MED20: variants seen among roughly 807,000 people sequenced by gnomAD.
MED20 encodes mediator of RNA polymerase II transcription subunit 20.
Under a neutral mutation model 19.7 loss-of-function variants are expected in MED20, and 19 were observed. That is an observed-to-expected ratio of 0.96 (90% confidence interval 0.67 to 1.42). The LOEUF (loss-of-function observed/expected upper bound fraction) is 1.42, where lower values mean the gene tolerates loss of function less well. MED20 is among the 40% of genes most tolerant of loss of function. The probability of loss-of-function intolerance (pLI) is 0.00; values close to 1 mark genes in which losing one functional copy is unlikely to be tolerated. For synonymous variants in MED20, 105 were observed against 104.8 expected (o/e 1.00, Z -0.01); for missense variants, 225 against 273.0 (o/e 0.82, Z 1.24).
chr6:41,912,739 C>A (rs1191676521), intron 2 of MED20, among the ~76,000 whole-genome samples: 2 of 152,150 alleles, frequency 1.3e-5, no homozygotes, highest in African/African-American at 4.8e-5. Flanking sequence ...TTACTATCCC[C>A]TTTCTAAAGA....
chr6:41,915,526 G>A (rs932933483), intron 2 of MED20, among the ~76,000 whole-genome samples: 4 of 151,870 alleles, frequency 2.6e-5, no homozygotes, highest in East Asian at 1.9e-4. Context: ...GGTGGCTCAC[G>A]CCTATAATCC....
intron 1 of MED20, 39 bp from the exon 2 acceptor site, chr6:41,916,978 C>T (rs771975922): frequency 1.2e-5 from 20 of 1,610,442 alleles, no homozygotes; most frequent in Non-Finnish European, 1.7e-5. Flanking sequence ...TATCCAGAGA[C>T]ACACGTGTGC....
At chr6:41,920,866 G>T in intron 1 of MED20, 139 bp downstream of exon 1, 1 of 1,088,212 alleles carries the variant, frequency 9.2e-7, no homozygotes, top group Non-Finnish European at 1.3e-6. Flanking sequence ...GGAACCCGCA[G>T]CCCGGACGGC....
At chr6:41,915,202 T>C (rs1409755585) in intron 2 of MED20, among the ~76,000 whole-genome samples, 2 of 150,790 alleles carry the variant, frequency 1.3e-5, no homozygotes, top group Non-Finnish European at 3.0e-5. Context: ...GGGAGGCCTA[T>C]GTTGGCAGAT....
chr6:41,910,678 C>G (rs1775171257), intron 2 of MED20, among the ~76,000 whole-genome samples: 1 of 151,414 alleles, frequency 6.6e-6, no homozygotes. Context: ...AAGCAAGATT[C>G]CTCTTTCATA....
In MED20 at chr6:41,907,065, C is replaced by G. The variant is rs769472931; in HGVS notation, c.*7G>C. ...GGTGACAGAGCTCAGCTGGCAGCTG[C>G]TCATCACTAACGAATCCCAGCCACC... On this transcript the variant is annotated 3_prime_UTR_variant, in exon 4 of 4. Coordinates refer to ENST00000265350, the MANE Select transcript of MED20 (RefSeq NM_004275.5). 1 of 1,612,486 alleles carries G rather than the reference C, an allele frequency of 6.2e-7. No homozygotes were observed. Among genetic ancestry groups the G allele is most frequent in the South Asian group, 1.1e-5 (1 of 91,012 alleles).
Position 41,916,903 on chromosome 6 carries a change from A to C in MED20, c.51T>G (p.Val17=). 6 of 1,614,014 alleles carry C rather than the reference A, an allele frequency of 3.7e-6. No homozygotes were observed. Among genetic ancestry groups the C allele is most frequent in the Non-Finnish European group, 5.1e-6 (6 of 1,179,982 alleles). Residue 17 remains valine, a synonymous_variant, in exon 2 of 4, where the codon GTT becomes GTG. Transcript: ENST00000265350. Reference sequence around the variant, plus strand: ...GGGTAAGGAGCTCTACGGTTTGCTGAACACTCTTGCCCTCGGCCACAGGCA... The same window carrying C: ...GGGTAAGGAGCTCTACGGTTTGCTGCACACTCTTGCCCTCGGCCACAGGCA... ...SQMPVAEGKS[V]QQTVELLTRK...
At position 41,906,865 on chromosome 6, in the gene MED20, A is replaced by C; in HGVS notation, c.*207T>G. 1 of 578,304 alleles carries C rather than the reference A, an allele frequency of 1.7e-6. No homozygotes were observed. Among genetic ancestry groups the C allele is most frequent in the Admixed American group, 3.0e-5 (1 of 33,484 alleles). 35.8% of individuals were successfully genotyped at this position (578,304 alleles called of 1,614,324 possible). A position where few individuals can be genotyped will look rare whatever the true frequency, so the allele number is the denominator to read the frequency against. On this transcript the variant is annotated 3_prime_UTR_variant, in exon 4 of 4. Transcript: ENST00000265350. ...GGCCAAATCCAGTAAGGCACGGAGT[A>C]AAACAGCTGATGGGGGGCTATGTGT...
At chr6:41,915,789 A>AACACACACACAC (rs34924867) in intron 2 of MED20, among the ~76,000 whole-genome samples, 12 of 148,592 alleles carry the variant, frequency 8.1e-5, no homozygotes, top group South Asian at 2.1e-4. Context: ...TCCGTCTCAA[A>AACACACACACAC]ACACACACAC....
chr6:41,917,584 T>C, intron 1 of MED20: 1 of 353,242 alleles, frequency 2.8e-6, no homozygotes, highest in Non-Finnish European at 5.7e-6. Context: ...CTCTAAGAAC[T>C]GGAGCACAGT....
chr6:41,909,474 A>C lies in MED20; in HGVS notation c.218T>G (p.Leu73Trp). Residue 73 changes from leucine (L) to tryptophan (W), a missense_variant, in exon 3 of 4, where the codon TTG (leucine) becomes TGG (tryptophan). Physicochemically the swap from Leu to Trp is moderately conservative, Grantham distance 61. Coordinates refer to ENST00000265350, the MANE Select transcript of MED20 (RefSeq NM_004275.5). The part of the protein sequence containing the change: ...MYVMHNSEYP[L>W]SCFALFENGP... ...ATTCTCAAAGAGGGCGAAACAGCTCAATGGGTACTCTGAGTTGTGCATCAC... is the reference window on the plus strand; with the variant it reads ...ATTCTCAAAGAGGGCGAAACAGCTCCATGGGTACTCTGAGTTGTGCATCAC... 3.7e-6 allele frequency: 6 copies of C among 1,614,258 alleles called. No individual in the cohort carries two copies. The highest frequency in any genetic ancestry group is 5.1e-6 in the Non-Finnish European group (6 of 1,180,044).
Position 41,916,858 on chromosome 6 carries a change from C to A in MED20, c.96G>T (p.Gly32=). 6.2e-7 allele frequency: 1 copy of A among 1,614,074 alleles called. No individual in the cohort carries two copies. The highest frequency in any genetic ancestry group is 8.5e-7 in the Non-Finnish European group (1 of 1,180,000). Residue 32 remains glycine (G), a synonymous_variant, in exon 2 of 4, where the codon GGG becomes GGT. Transcript: ENST00000265350. ...CACAAAATGTTCCTTGCTTCTCTGC[C>A]CCAAGCATCTCCAATTTCCGGGTAA... is the stretch of plus-strand genomic sequence containing the variant. The part of the protein sequence containing the change: ...ELLTRKLEML[G]AEKQGTFCVD...
At chr6:41,908,063 A>G (rs372404146) in intron 3 of MED20, among the ~76,000 whole-genome samples, 19 of 152,162 alleles carry the variant, frequency 1.2e-4, no homozygotes, top group African/African-American at 4.1e-4. Flanking sequence ...CTTTTCTCCA[A>G]CTGGGATTCT....
intron 2 of MED20, among the ~76,000 whole-genome samples, chr6:41,912,449 C>T (rs1775221623): frequency 1.3e-5 from 2 of 149,362 alleles, no homozygotes; most frequent in South Asian, 4.3e-4. Flanking sequence ...CTCTGCCTCC[C>T]AAGTTCAAAC....
intron 1 of MED20, among the ~76,000 whole-genome samples, 189 bp from the exon 2 acceptor site, chr6:41,917,128 G>C (rs1438353388): frequency 6.6e-6 from 1 of 152,070 alleles, no homozygotes; most frequent in East Asian, 1.9e-4. Flanking sequence ...TTGGCCAGGC[G>C]TGGTGGCTCA....
At chr6:41,915,294 T>C (rs1775286189) in intron 2 of MED20, among the ~76,000 whole-genome samples, 1 of 151,274 alleles carries the variant, frequency 6.6e-6, no homozygotes, top group South Asian at 2.1e-4. Context: ...TTGAGATCAA[T>C]TTGGGCAGCA....
At chr6:41,920,784 AAAAC>A in intron 1 of MED20, 3 of 504,252 alleles carry the variant, frequency 5.9e-6, no homozygotes, top group South Asian at 3.5e-5. Flanking sequence ...AAAACAAAAC[AAAAC>A]AAAAAAAAAA....
chr6:41,914,786 C>T (rs1191062584), intron 2 of MED20, among the ~76,000 whole-genome samples: 3 of 151,964 alleles, frequency 2.0e-5, no homozygotes, highest in Non-Finnish European at 2.9e-5. Flanking sequence ...CCCATCTCAT[C>T]ACTCAAAACG....
chr6:41,913,469 A>G (rs1460616290), intron 2 of MED20, among the ~76,000 whole-genome samples: 1 of 152,198 alleles, frequency 6.6e-6, no homozygotes, highest in East Asian at 1.9e-4. Context: ...CAAATGTTTT[A>G]TTACCCAAAT....
Sources: allele counts gnomAD v4.1 joint callset (sites outside exome capture counted in the v4.1 genomes callset), GRCh38; gene constraint gnomAD v4.1.1; transcripts MANE v1.5; gene names NCBI Gene and HGNC (gene_info 2026-07-23, HGNC 2026-07-21).